TMEM132B: variants seen among roughly 807,000 people sequenced by gnomAD.
TMEM132B encodes transmembrane protein 132B.
Under a neutral mutation model 90.8 loss-of-function variants are expected in TMEM132B, and 18 were observed. That is an observed-to-expected ratio of 0.20 (90% CI 0.14 to 0.29). The LOEUF is 0.29. Ranked by LOEUF, TMEM132B falls within the 10% of genes least tolerant of loss-of-function variation. The pLI, the probability that TMEM132B is intolerant of heterozygous loss-of-function variation, is 1.00. For synonymous variants in TMEM132B, 504 were observed against 523.3 expected (o/e 0.96, Z 0.50); for missense variants, 1,096 against 1,326.8 (o/e 0.83, Z 2.70).
intron 2 of TMEM132B, among the ~76,000 whole-genome samples, chr12:125,396,327 T>C (rs1239996080): frequency 6.6e-6 from 1 of 152,212 alleles, no homozygotes; most frequent in Non-Finnish European, 1.5e-5. Flanking sequence ...TTCTTTTGGA[T>C]GTCAGCATTT....
chr12:125,543,086 G>A (rs954373637), intron 4 of TMEM132B, among the ~76,000 whole-genome samples: 6 of 152,062 alleles, frequency 3.9e-5, no homozygotes, highest in Admixed American at 6.6e-5. Flanking sequence ...GGATACTTGG[G>A]GTTTTAGAAA....
intron 4 of TMEM132B, among the ~76,000 whole-genome samples, chr12:125,544,660 C>CGAG (rs1884044438): frequency 6.6e-6 from 1 of 152,144 alleles, no homozygotes; most frequent in Non-Finnish European, 1.5e-5. Flanking sequence ...CCACTCATCT[C>CGAG]TATGCCATTT....
chr12:125,447,283 T>G (rs999818631), intron 3 of TMEM132B, among the ~76,000 whole-genome samples: 2 of 129,776 alleles, frequency 1.5e-5, no homozygotes, highest in African/African-American at 9.0e-5. Context: ...TTTATTTCTG[T>G]TTTTTTTTGA....
intron 4 of TMEM132B, among the ~76,000 whole-genome samples, chr12:125,564,332 A>ACG (rs1369865439): frequency 6.7e-6 from 1 of 150,222 alleles, no homozygotes; most frequent in Non-Finnish European, 1.5e-5. Context: ...TACTGACATA[A>ACG]CACATTTGCT....
intron 5 of TMEM132B, among the ~76,000 whole-genome samples, chr12:125,610,247 C>A (rs370588597): frequency 6.6e-6 from 1 of 152,026 alleles, no homozygotes; most frequent in East Asian, 1.9e-4. Flanking sequence ...CCCTAATTTT[C>A]TTGGCTAGAA....
intron 1 of TMEM132B, among the ~76,000 whole-genome samples, chr12:125,201,110 C>T (rs540356249): frequency 1.3e-5 from 2 of 152,260 alleles, no homozygotes; most frequent in Admixed American, 6.5e-5. Flanking sequence ...ACCCCCCATG[C>T]CCAGCCCAGT....
chr12:125,381,710 G>A (rs1197653871), intron 2 of TMEM132B, among the ~76,000 whole-genome samples: 3 of 152,130 alleles, frequency 2.0e-5, no homozygotes, highest in African/African-American at 4.8e-5. Flanking sequence ...GTGTGTGAAT[G>A]TACATATGTG....
At chr12:125,306,477 G>T (rs115958188) in intron 1 of TMEM132B, among the ~76,000 whole-genome samples, 1 of 152,100 alleles carries the variant, frequency 6.6e-6, no homozygotes. Flanking sequence ...CCTTTGCCCT[G>T]AATCTGTTCC....
intron 5 of TMEM132B, among the ~76,000 whole-genome samples, chr12:125,609,223 G>A (rs1228983185): frequency 6.6e-6 from 1 of 152,108 alleles, no homozygotes; most frequent in African/African-American, 2.4e-5. Context: ...GGTGGGGACA[G>A]AGCGAAACCA....
intron 1 of TMEM132B, among the ~76,000 whole-genome samples, chr12:125,294,982 A>G (rs945301262): frequency 3.3e-5 from 5 of 152,196 alleles, no homozygotes; most frequent in African/African-American, 1.2e-4. Context: ...TACAACCTTA[A>G]CGGCGGGTGG....
At chr12:125,187,400 C>T (rs1484608810) in intron 1 of TMEM132B, among the ~76,000 whole-genome samples, 2 of 152,198 alleles carry the variant, frequency 1.3e-5, no homozygotes. Context: ...TTCACACTGC[C>T]CTCCCCAAGC....
intron 2 of TMEM132B, among the ~76,000 whole-genome samples, chr12:125,367,089 A>G (rs1023182831): frequency 2.0e-5 from 3 of 152,142 alleles, no homozygotes; most frequent in African/African-American, 7.2e-5. Context: ...TTTCTTTTAC[A>G]TCACTGATGA....
chr12:125,408,936 A>G lies in TMEM132B; in HGVS notation c.960-6595A>G, dbSNP rs1418137772. 6.6e-6 allele frequency among the ~76,000 whole-genome samples: 1 copy of G among 152,176 alleles called. No homozygotes were observed. Among genetic ancestry groups the G allele is most frequent in the African/African-American group, 2.4e-5 (1 of 41,420 alleles). ...GCTGAGTAAGTGTTTTGACTTTTGTACTGCACAAGGGGATACACCAGAGTG... is the reference window on the plus strand; with the variant it reads ...GCTGAGTAAGTGTTTTGACTTTTGTGCTGCACAAGGGGATACACCAGAGTG... On this transcript the variant is annotated intron_variant, in intron 2 of 8. Coordinates refer to ENST00000682704, the MANE Select transcript of TMEM132B (RefSeq NM_001366854.1). The surrounding 1 kb of genome is among the most constrained non-coding windows in gnomAD (Gnocchi z 5.9).
At chr12:125,509,088 A>T (rs1038019032) in intron 3 of TMEM132B, among the ~76,000 whole-genome samples, 6 of 152,088 alleles carry the variant, frequency 3.9e-5, no homozygotes, top group Non-Finnish European at 7.4e-5. Context: ...CCAGCCAGTA[A>T]TTAGAGTTTT....
intron 1 of TMEM132B, among the ~76,000 whole-genome samples, chr12:125,223,153 G>A (rs887639260): frequency 6.6e-6 from 1 of 152,202 alleles, no homozygotes; most frequent in African/African-American, 2.4e-5. Flanking sequence ...AAAGGAAATC[G>A]ACGAAACTAA....
chr12:125,359,585 A>G (rs1877896562), intron 2 of TMEM132B, among the ~76,000 whole-genome samples: 1 of 152,188 alleles, frequency 6.6e-6, no homozygotes, highest in African/African-American at 2.4e-5. Context: ...TGAGCTTCCT[A>G]AAAAAGTAGC....
chr12:125,387,472 G>A (rs890340662), intron 2 of TMEM132B, among the ~76,000 whole-genome samples: 4 of 152,208 alleles, frequency 2.6e-5, no homozygotes, highest in Non-Finnish European at 4.4e-5. Flanking sequence ...TTGGTCTTTT[G>A]TGTGTCCCTA....
At chr12:125,529,858 G>C (rs541774701) in intron 4 of TMEM132B, among the ~76,000 whole-genome samples, 38 of 152,302 alleles carry the variant, frequency 2.5e-4, no homozygotes, top group African/African-American at 8.9e-4. Context: ...AATTCCTGCT[G>C]CCTCACCCAA....
intron 1 of TMEM132B, among the ~76,000 whole-genome samples, chr12:125,191,499 T>C (rs1872792632): frequency 6.6e-6 from 1 of 152,144 alleles, no homozygotes; most frequent in Non-Finnish European, 1.5e-5. Context: ...CAAATTTCAC[T>C]CTCTAGCCTT....
Sources: gnomAD v4.1 joint callset for allele counts (sites outside exome capture counted in the v4.1 genomes callset) on GRCh38, gnomAD v4.1.1 for gene constraint, Gnocchi (gnomAD v3.1) non-coding constraint, MANE v1.5 for transcripts, NCBI Gene and HGNC (gene_info 2026-07-23, HGNC 2026-07-21) for gene names.